Variants in WDR49 observed in about 807,000 individuals in gnomAD.
WDR49 encodes the protein cilia- and flagella-associated protein 337.
A neutral mutation model predicts 119.5 loss-of-function variants in WDR49; 107 were observed. That is an observed-to-expected ratio of 0.90 (90% confidence interval 0.77 to 1.05). WDR49 has a LOEUF of 1.05. Among genes scored for constraint, WDR49 ranks in the 50% least tolerant of loss-of-function variants. The pLI is 0.00. For synonymous variants in WDR49, 425 were observed against 418.8 expected (o/e 1.01, Z -0.18); for missense variants, 1,240 against 1,220.5 (o/e 1.02, Z -0.24).
intron 18 of WDR49, among the ~76,000 whole-genome samples, chr3:167,485,425 C>T (rs1346413004): frequency 6.6e-6 from 1 of 151,416 alleles, no homozygotes; most frequent in African/African-American, 2.4e-5. Flanking sequence ...TACTTGAATA[C>T]ACAACTTAGA....
intron 5 of WDR49, among the ~76,000 whole-genome samples, chr3:167,613,058 G>A (rs997385492): frequency 1.3e-5 from 2 of 152,142 alleles, no homozygotes; most frequent in Non-Finnish European, 2.9e-5. Flanking sequence ...TAATTGGATT[G>A]TTTGTAACTC....
At chr3:167,525,200 C>G (rs1752591149) in intron 15 of WDR49, among the ~76,000 whole-genome samples, 1 of 151,966 alleles carries the variant, frequency 6.6e-6, no homozygotes, top group Non-Finnish European at 1.5e-5. Flanking sequence ...TGATTGGGCT[C>G]TCTGCTTGTC....
chr3:167,530,329 T>C (rs1752802238), intron 13 of WDR49, among the ~76,000 whole-genome samples: 1 of 152,036 alleles, frequency 6.6e-6, no homozygotes, highest in South Asian at 2.1e-4. Flanking sequence ...AAGAAAAATA[T>C]ACCCTGAAGA....
intron 16 of WDR49, among the ~76,000 whole-genome samples, chr3:167,507,123 T>A (rs1360501997): frequency 6.6e-6 from 1 of 152,166 alleles, no homozygotes; most frequent in African/African-American, 2.4e-5. Flanking sequence ...TATGTTACTC[T>A]TTGGAAGCAA....
intron 2 of WDR49, among the ~76,000 whole-genome samples, chr3:167,648,702 C>T (rs1718237188): frequency 6.6e-6 from 1 of 152,114 alleles, no homozygotes; most frequent in South Asian, 2.1e-4. Context: ...GAGTGCTGGC[C>T]AATGGGATGT....
At chr3:167,637,014 A>T (rs1316718736) in intron 2 of WDR49, among the ~76,000 whole-genome samples, 2 of 151,756 alleles carry the variant, frequency 1.3e-5, no homozygotes, top group Admixed American at 1.3e-4. Flanking sequence ...CCAGCTATTT[A>T]TCTTTGCTTT....
intron 7 of WDR49, among the ~76,000 whole-genome samples, chr3:167,599,395 A>G (rs1166294719): frequency 6.6e-6 from 1 of 152,022 alleles, no homozygotes; most frequent in African/African-American, 2.4e-5. Flanking sequence ...GAACTGCTAC[A>G]CTACTGCCAT....
intron 18 of WDR49, among the ~76,000 whole-genome samples, chr3:167,488,207 G>T (rs1192122903): frequency 1.4e-5 from 2 of 144,734 alleles, no homozygotes; most frequent in African/African-American, 5.1e-5. Context: ...GGAATACTAT[G>T]CAACCATAAA....
intron 3 of WDR49, 110 bp from the exon 4 acceptor site, chr3:167,621,753 G>T: frequency 9.8e-7 from 1 of 1,025,510 alleles, no homozygotes; most frequent in Non-Finnish European, 1.4e-6. Context: ...GTTCTCTGAG[G>T]ATCCTTAACA....
chr3:167,604,358 A>C lies in WDR49; in HGVS notation c.1069T>G (p.Phe357Val). ...GCATGAATGCCCTGGGCAATGTTGAAGGATGTCATATTAAGACGCTTTTTT... is the reference window on the plus strand; with the variant it reads ...GCATGAATGCCCTGGGCAATGTTGACGGATGTCATATTAAGACGCTTTTTT... The part of the protein sequence containing the change: ...KSKKRLNMTS[F>V]NIAQGIHAFD... Residue 357 changes from phenylalanine to valine, a missense_variant, in exon 6 of 19, where the codon TTC becomes GTC. Physicochemically the swap from Phe to Val is conservative, Grantham distance 50. Transcript: ENST00000682715. 1 of 1,613,872 alleles carries C rather than the reference A, an allele frequency of 6.2e-7. No homozygotes were observed. Among genetic ancestry groups the C allele is most frequent in the Non-Finnish European group, 8.5e-7 (1 of 1,179,890 alleles).
At chr3:167,489,431 C>CA (rs1751044958) in intron 18 of WDR49, among the ~76,000 whole-genome samples, 2 of 152,030 alleles carry the variant, frequency 1.3e-5, no homozygotes, top group African/African-American at 4.8e-5. Context: ...TAAAAATTAA[C>CA]ATCTAGTGTT....
At chr3:167,485,596 T>C (rs1041970502) in intron 18 of WDR49, among the ~76,000 whole-genome samples, 1 of 152,120 alleles carries the variant, frequency 6.6e-6, no homozygotes, top group African/African-American at 2.4e-5. Context: ...CTTAAAAATT[T>C]ACTACAAGGA....
intron 2 of WDR49, among the ~76,000 whole-genome samples, chr3:167,639,664 TA>T (rs1417365405): frequency 2.0e-5 from 3 of 151,892 alleles, no homozygotes; most frequent in Admixed American, 2.0e-4. Flanking sequence ...AAGATAAACA[TA>T]AAAAGTCAGA....
At chr3:167,573,116 A>T (rs1714030187) in intron 8 of WDR49, among the ~76,000 whole-genome samples, 1 of 152,200 alleles carries the variant, frequency 6.6e-6, no homozygotes, top group Non-Finnish European at 1.5e-5. Flanking sequence ...AGACCCTTAC[A>T]GGGCTGGCAG....
intron 10 of WDR49, among the ~76,000 whole-genome samples, chr3:167,547,658 T>G (rs1419492689): frequency 6.9e-6 from 1 of 144,034 alleles, no homozygotes; most frequent in Non-Finnish European, 1.5e-5. Flanking sequence ...AAGATTTTCT[T>G]TTTTTTTTTT....
intron 3 of WDR49, among the ~76,000 whole-genome samples, chr3:167,625,914 C>T: frequency 8.6e-6 from 1 of 116,006 alleles, no homozygotes; most frequent in East Asian, 2.5e-4. Context: ...CAGCAACAGC[C>T]AAAATTTGCA....
At chr3:167,585,288 T>G (rs1216950137) in intron 7 of WDR49, among the ~76,000 whole-genome samples, 3 of 152,126 alleles carry the variant, frequency 2.0e-5, no homozygotes, top group Non-Finnish European at 4.4e-5. Context: ...ACAACACTTC[T>G]TCACTGTAAT....
intron 17 of WDR49, among the ~76,000 whole-genome samples, chr3:167,504,351 T>C (rs1184303261): frequency 6.6e-6 from 1 of 152,202 alleles, no homozygotes; most frequent in Non-Finnish European, 1.5e-5. Flanking sequence ...GGTGCCACTG[T>C]GCCCTGGATG....
chr3:167,507,330 G>A (rs1008724080), intron 16 of WDR49, among the ~76,000 whole-genome samples: 2 of 152,090 alleles, frequency 1.3e-5, no homozygotes, highest in East Asian at 1.9e-4. Context: ...GCCATCTCAT[G>A]TGAGTAAGAA....
Sources: gnomAD v4.1 joint callset for allele counts (sites outside exome capture counted in the v4.1 genomes callset) on GRCh38, gnomAD v4.1.1 for gene constraint, MANE v1.5 for transcripts, NCBI Gene and HGNC (gene_info 2026-07-23, HGNC 2026-07-21) for gene names.